The following NEBL variants were observed in gnomAD, a reference collection of about 807,000 sequenced individuals.
NEBL encodes LIM and SH3 protein 2.
In NEBL, 122 loss-of-function variants were observed where a neutral mutation model predicts 140.2. The ratio of observed to expected loss-of-function variants is 0.87; its 90% CI spans 0.75 to 1.01. The LOEUF is 1.01. NEBL is among the 50% of genes least tolerant of loss of function. The probability of loss-of-function intolerance (pLI) is 0.00; values close to 1 mark genes in which losing one functional copy is unlikely to be tolerated. For synonymous variants in NEBL, 436 were observed against 398.9 expected, an observed-to-expected ratio of 1.09 and a Z score of -1.11; for missense variants, 1,365 against 1,231.3, an observed-to-expected ratio of 1.11 and a Z score of -1.62.
chr10:20,883,467 A>T (rs1846201794), intron 4 of NEBL, among the ~76,000 whole-genome samples: 1 of 152,032 alleles, frequency 6.6e-6, no homozygotes, highest in South Asian at 2.1e-4. Context: ...CCCTTTAAGA[A>T]CCTCCATTCA....
chr10:21,157,398 G>A (rs1362173730), intron 2 of NEBL, among the ~76,000 whole-genome samples: 3 of 151,896 alleles, frequency 2.0e-5, no homozygotes, highest in African/African-American at 2.4e-5. Context: ...GGTGAAACCC[G>A]TCTCTACCAA....
At chr10:20,910,881 G>A (rs1848301518) in intron 4 of NEBL, among the ~76,000 whole-genome samples, 1 of 150,980 alleles carries the variant, frequency 6.6e-6, no homozygotes, top group African/African-American at 2.4e-5. Flanking sequence ...TAAAGAGTAG[G>A]CACTGGCCAG....
At chr10:21,133,213 T>C (rs917968461) in intron 2 of NEBL, among the ~76,000 whole-genome samples, 1 of 152,202 alleles carries the variant, frequency 6.6e-6, no homozygotes, top group Non-Finnish European at 1.5e-5. Flanking sequence ...ATTTGATTCT[T>C]GAAGCTGCAG....
intron 9 of NEBL, 43 bp downstream of exon 9, chr10:20,858,197 G>C: frequency 6.8e-7 from 1 of 1,473,000 alleles, no homozygotes; most frequent in Non-Finnish European, 9.5e-7. Flanking sequence ...TGGCTTCTTG[G>C]AGCCACAAGG....
At chr10:21,100,514 C>A (rs1480542714) in intron 2 of NEBL, among the ~76,000 whole-genome samples, 3 of 152,140 alleles carry the variant, frequency 2.0e-5, no homozygotes, top group African/African-American at 7.2e-5. Context: ...ATGAGGCCGT[C>A]CAGTTTCCCG....
At position 21,109,861 on chromosome 10, in the gene NEBL, AT is replaced by A. The variant is rs1275090191; in HGVS notation, c.164+62521del. Among the ~76,000 whole-genome samples the A allele has an allele frequency of 2.6e-5, 4 of 151,946 alleles. No individual in the cohort carries two copies. In the South Asian group the frequency reaches 8.3e-4, roughly 32 times the overall value. On this transcript the variant is annotated intron_variant, in intron 2 of 6. Transcript: ENST00000417816. The stretch of plus-strand genomic sequence containing the variant: ...TACAAACTTTATCATTAACTTTATC[AT>A]TTTTTATTGTGTCTATTTGATTCTT...
intron 1 of NEBL, among the ~76,000 whole-genome samples, chr10:21,287,301 C>T (rs1034671597): frequency 4.6e-5 from 7 of 152,020 alleles, no homozygotes; most frequent in African/African-American, 7.2e-5. Flanking sequence ...TTTGGGAGGC[C>T]GAGGCAGGTG....
At chr10:21,200,308 C>CTTTTTTTTTTTT (rs10671099) in intron 3 of NEBL, among the ~76,000 whole-genome samples, 3 of 81,964 alleles carry the variant, frequency 3.7e-5, no homozygotes, top group African/African-American at 1.0e-4. Context: ...TTCCAAGGGA[C>CTTTTTTTTTTTT]TTTTTTTTTT....
chr10:20,963,457 A>C (rs148141774), intron 3 of NEBL, among the ~76,000 whole-genome samples: 2 of 152,348 alleles, frequency 1.3e-5, no homozygotes, highest in East Asian at 3.9e-4. Context: ...AGGCACAATC[A>C]CATATTATTT....
chr10:20,849,967 T>C (rs1463663357), intron 11 of NEBL, among the ~76,000 whole-genome samples: 1 of 151,958 alleles, frequency 6.6e-6, no homozygotes, highest in Non-Finnish European at 1.5e-5. Flanking sequence ...TAGCATGTAG[T>C]AAGTATTTTA....
In NEBL at chr10:20,912,881, C is replaced by CTTTTTT. The variant is rs397847147; in HGVS notation, c.357+48785_357+48790dup. ...TCATGGGGGCCATAGTATGCCAATT[C>CTTTTTT]TTTTTTTTTTTTTTTTTTTTAGACA... On this transcript the variant is annotated intron_variant, in intron 4 of 6. Transcript: ENST00000417816. 4.2e-5 allele frequency among the ~76,000 whole-genome samples: 5 copies of CTTTTTT among 117,834 alleles called. 1 individual carries two copies. Among genetic ancestry groups the CTTTTTT allele is most frequent in the Admixed American group, 1.8e-4 (2 of 11,038 alleles). 77.3% of individuals were successfully genotyped at this position (117,834 alleles called of 152,430 possible).
At position 21,251,721 on chromosome 10, in the gene NEBL, A is replaced by G. The variant is rs1443949676; in HGVS notation, n.279+11T>C. ...CACCCCTATAAAAAAGGCCCCAGAG[A>G]AACCCCTTACCCCTTTTGCCATATG... On this transcript the variant is annotated intron_variant and non_coding_transcript_variant, in intron 2 of 8. Coordinates refer to the NEBL transcript ENST00000675702. 2.6e-5 allele frequency among the ~76,000 whole-genome samples: 4 copies of G among 152,108 alleles called. No individual in the cohort carries two copies. In the East Asian group the frequency reaches 7.7e-4, roughly 29 times the overall value.
intron 3 of NEBL, among the ~76,000 whole-genome samples, chr10:21,215,717 G>A (rs1326522639): frequency 6.6e-6 from 1 of 152,192 alleles, no homozygotes; most frequent in Non-Finnish European, 1.5e-5. Flanking sequence ...CTGGAACGCA[G>A]TAGCACAATC....
At chr10:20,852,981 T>A (rs998407855) in intron 9 of NEBL, among the ~76,000 whole-genome samples, 2 of 152,014 alleles carry the variant, frequency 1.3e-5, no homozygotes, top group East Asian at 1.9e-4. Context: ...TGGGGAAAAA[T>A]AAAAGCAATT....
rs888632989 is a variant in NEBL at position 21,146,311 on chromosome 10, A to G, written c.164+26072T>C. On this transcript the variant is annotated intron_variant, in intron 2 of 6. Transcript: ENST00000417816. ...TGGCCCTGTCTCAGCACACCCATGC[A>G]GTATAAACCTGCCCCCAACACATAC... 8 of 1,573,262 alleles carry G rather than the reference A, an allele frequency of 5.1e-6. No homozygotes were observed. The African/African-American group carries it at 9.5e-5, about 19-fold the overall frequency.
At chr10:21,177,924 T>C (rs1397947809), upstream of NEBL, among the ~76,000 whole-genome samples, 1 of 152,246 alleles carries the variant, frequency 6.6e-6, no homozygotes, top group African/African-American at 2.4e-5. Flanking sequence ...TCTCATTTTA[T>C]ACAGCTCAAC....
Position 20,889,601 on chromosome 10 carries a change from A to G in NEBL, c.258+244T>C, listed in dbSNP as rs71578977. On this transcript the variant is annotated intron_variant, in intron 3 of 27. Transcript: ENST00000377122. The stretch of plus-strand genomic sequence containing the variant: ...CCTTTTCAAGAGGAATCGTATATAA[A>G]TAAGAAAGATTTAGAGTCAAAATAT... Among the ~76,000 whole-genome samples the G allele has an allele frequency of 0.064, 9,734 of 152,236 alleles. 941 individuals carry two copies. The highest frequency in any genetic ancestry group is 0.21 in the African/African-American group (8,892 of 41,512).
intron 2 of NEBL, chr10:21,030,139 A>G: frequency 2.1e-6 from 1 of 471,788 alleles, no homozygotes; most frequent in South Asian, 1.9e-5. Context: ...CAAAAGTAGA[A>G]GAATGGCTAC....
chr10:21,061,208 A>G (rs896626140), intron 2 of NEBL, among the ~76,000 whole-genome samples: 4 of 150,076 alleles, frequency 2.7e-5, no homozygotes, highest in African/African-American at 9.8e-5. Flanking sequence ...TAGATCATAT[A>G]ATATAGAGAG....
Sources: gnomAD v4.1 joint callset for allele counts (sites outside exome capture counted in the v4.1 genomes callset) on GRCh38, gnomAD v4.1.1 for gene constraint, MANE v1.5 for transcripts, NCBI Gene and HGNC (gene_info 2026-07-23, HGNC 2026-07-21) for gene names.